Variants in COL4A2 observed in about 807,000 individuals in gnomAD.
COL4A2 encodes the protein collagen alpha-2(IV) chain.
Under a neutral mutation model 200.2 loss-of-function variants are expected in COL4A2, and 99 were observed. The observed-to-expected ratio is 0.49, with a 90% CI of 0.42 to 0.58. The LOEUF is 0.58. COL4A2 is among the 20% of genes least tolerant of loss of function. The pLI, the probability that COL4A2 is intolerant of heterozygous loss-of-function variation, is 0.00. For synonymous variants in COL4A2, 897 were observed against 900.6 expected, an observed-to-expected ratio of 1.00 and a Z score of 0.07; for missense variants, 1,950 against 2,314.1, an observed-to-expected ratio of 0.84 and a Z score of 3.23.
rs150106425 is a variant in COL4A2, at chr13:110,470,196, G to C, written c.2203+872G>C. On this transcript the variant is annotated intron_variant, in intron 28 of 47. Coordinates refer to ENST00000360467, the MANE Select transcript of COL4A2 (RefSeq NM_001846.4). ...CTGCCAAAGTGCTGGGATGACAGGC[G>C]TGAGCCACTGTGCCAGGCCGCACAC... Among the ~76,000 whole-genome samples the C allele has an allele frequency of 2.8e-3, 421 of 152,244 alleles. 4 individuals carry two copies. The highest frequency in any genetic ancestry group is 9.7e-3 in the African/African-American group (404 of 41,550).
At chr13:110,488,749 G>A (rs1883189811) in intron 34 of COL4A2, among the ~76,000 whole-genome samples, 1 of 152,194 alleles carries the variant, frequency 6.6e-6, no homozygotes. Flanking sequence ...TTTTCATGAG[G>A]CGTGAATACG....
intron 13 of COL4A2, among the ~76,000 whole-genome samples, chr13:110,436,771 G>C (rs1880903026): frequency 6.6e-6 from 1 of 152,142 alleles, no homozygotes; most frequent in Admixed American, 6.5e-5. Context: ...GCACCTTTTT[G>C]GAGGTTCAAA....
intron 18 of COL4A2, among the ~76,000 whole-genome samples, chr13:110,449,459 C>G (rs1881447959): frequency 6.6e-6 from 1 of 152,190 alleles, no homozygotes; most frequent in African/African-American, 2.4e-5. Flanking sequence ...TTTGGACTCA[C>G]CTACTTCCTC....
intron 4 of COL4A2, among the ~76,000 whole-genome samples, chr13:110,367,944 G>C (rs1044890334): frequency 2.0e-5 from 3 of 152,210 alleles, no homozygotes; most frequent in African/African-American, 7.2e-5. Flanking sequence ...CTAAAAGAAA[G>C]AGAGGATTGA....
intron 3 of COL4A2, among the ~76,000 whole-genome samples, chr13:110,328,051 C>T (rs1362096725): frequency 2.0e-5 from 3 of 152,168 alleles, no homozygotes; most frequent in Admixed American, 2.0e-4. Context: ...CTAGACTAAT[C>T]ACTCTGACTT....
chr13:110,355,954 T>C (rs4771672), intron 3 of COL4A2, among the ~76,000 whole-genome samples: 106,631 of 139,004 alleles, frequency 0.77, 42,824 homozygotes, highest in Non-Finnish European at 0.87. Flanking sequence ...TGTACTAGCT[T>C]ACCTGTCAGG....
intron 3 of COL4A2, among the ~76,000 whole-genome samples, chr13:110,346,157 G>C (rs562272767): frequency 1.3e-5 from 2 of 152,198 alleles, no homozygotes; most frequent in South Asian, 4.1e-4. Context: ...TGAAGGAACA[G>C]TATCAAAATA....
At chr13:110,460,181 T>C (rs1298993502) in intron 22 of COL4A2, among the ~76,000 whole-genome samples, 1 of 152,196 alleles carries the variant, frequency 6.6e-6, no homozygotes, top group Non-Finnish European at 1.5e-5. Flanking sequence ...TTAAAGGATC[T>C]GAGCCCACAG....
At chr13:110,434,279 A>G in intron 11 of COL4A2, 122 bp from the exon 12 acceptor site, 2 of 807,890 alleles carry the variant, frequency 2.5e-6, no homozygotes, top group Non-Finnish European at 4.0e-6. Flanking sequence ...TATTATGCAA[A>G]TATAGTTGCT....
chr13:110,496,058 C>G (rs929930810), intron 40 of COL4A2, among the ~76,000 whole-genome samples: 1 of 152,180 alleles, frequency 6.6e-6, no homozygotes, highest in Admixed American at 6.5e-5. Context: ...GCCCCTCCCC[C>G]ACCCCGCCCA....
chr13:110,482,759 C>A, intron 32 of COL4A2, 100 bp downstream of exon 32: 1 of 1,295,096 alleles, frequency 7.7e-7, no homozygotes, highest in Non-Finnish European at 1.1e-6. Context: ...TTTTGAAAAC[C>A]CATGCATCCA....
intron 4 of COL4A2, among the ~76,000 whole-genome samples, chr13:110,361,720 G>A (rs762150664): frequency 6.6e-6 from 1 of 152,198 alleles, no homozygotes; most frequent in Admixed American, 6.5e-5. Flanking sequence ...CTCCCAGCAG[G>A]GAGAGAATTG....
intron 16 of COL4A2, among the ~76,000 whole-genome samples, chr13:110,444,863 A>G (rs1337784562): frequency 6.6e-6 from 1 of 152,216 alleles, no homozygotes; most frequent in Non-Finnish European, 1.5e-5. Context: ...GTTGTTTTCT[A>G]TTTTTGAAAC....
chr13:110,437,095 A>G lies in COL4A2; in HGVS notation c.825+728A>G, dbSNP rs917027799. On this transcript the variant is annotated intron_variant, in intron 13 of 47. Coordinates refer to ENST00000360467, the MANE Select transcript of COL4A2 (RefSeq NM_001846.4). ...AAACGGGGAGATCTTAACTTTCCAA[A>G]TAGAATCTGGTTCCCAACTCTTGAG... Among the ~76,000 whole-genome samples the G allele has an allele frequency of 2.0e-5, 3 of 152,202 alleles. 1 individual carries two copies. The highest frequency in any genetic ancestry group is 4.8e-5 in the African/African-American group (2 of 41,448).
At chr13:110,402,275 T>C (rs937194772) in intron 4 of COL4A2, among the ~76,000 whole-genome samples, 1 of 152,212 alleles carries the variant, frequency 6.6e-6, no homozygotes, top group Admixed American at 6.5e-5. Context: ...AAATAAATTG[T>C]GTGCTTCCAA....
At chr13:110,455,008 C>T (rs969475344) in intron 20 of COL4A2, among the ~76,000 whole-genome samples, 3 of 152,182 alleles carry the variant, frequency 2.0e-5, no homozygotes, top group African/African-American at 7.2e-5. Flanking sequence ...CTGCCTACCT[C>T]ACCCATTCTG....
intron 47 of COL4A2, among the ~76,000 whole-genome samples, chr13:110,510,194 C>A (rs530930062): frequency 6.6e-6 from 1 of 152,224 alleles, no homozygotes; most frequent in Non-Finnish European, 1.5e-5. Context: ...CCTGGCTCAC[C>A]CTTCTTTTGT....
In COL4A2 at chr13:110,375,467, G is replaced by A. The variant is rs540747887; in HGVS notation, c.180+17915G>A. 1.1e-4 allele frequency among the ~76,000 whole-genome samples: 17 copies of A among 152,260 alleles called. No homozygotes were observed. The South Asian group carries it at 1.7e-3, about 15-fold the overall frequency. ...TGCAGGGACTGTTGGGTTTGTGGGC[G>A]AGCATCCCTGCAAATAGGGCTCCCA... On this transcript the variant is annotated intron_variant, in intron 4 of 47. Transcript: ENST00000360467.
chr13:110,351,311 G>A (rs1437220335), intron 3 of COL4A2, among the ~76,000 whole-genome samples: 6 of 152,256 alleles, frequency 3.9e-5, no homozygotes, highest in African/African-American at 1.4e-4. Flanking sequence ...CTGAGCTCAA[G>A]CGATCTGCCT....
Sources: gnomAD v4.1 joint callset for allele counts (sites outside exome capture counted in the v4.1 genomes callset) on GRCh38, gnomAD v4.1.1 for gene constraint, MANE v1.5 for transcripts, NCBI Gene and HGNC (gene_info 2026-07-23, HGNC 2026-07-21) for gene names.